The following THSD4 variants were observed in gnomAD, a reference collection of about 807,000 sequenced individuals.
The protein encoded by THSD4 is thrombospondin type 1 domain containing 4.
A neutral mutation model predicts 119.0 loss-of-function variants in THSD4; 69 were observed. That is an observed-to-expected ratio of 0.58 (90% CI 0.48 to 0.71). The LOEUF (loss-of-function observed/expected upper bound fraction) is 0.71. Among genes scored for constraint, THSD4 ranks in the 30% least tolerant of loss-of-function variants. The pLI, the probability that THSD4 is intolerant of heterozygous loss-of-function variation, is 0.00. For synonymous variants in THSD4, 524 were observed against 540.4 expected, an observed-to-expected ratio of 0.97 and a Z score of 0.42; for missense variants, 1,393 against 1,391.1, an observed-to-expected ratio of 1.00 and a Z score of -0.02.
chr15:71,722,795 T>C (rs1183772506), intron 8 of THSD4, among the ~76,000 whole-genome samples: 3 of 152,216 alleles, frequency 2.0e-5, no homozygotes, highest in Non-Finnish European at 4.4e-5. Flanking sequence ...CCCCAGTTCC[T>C]GTCCCAAATG....
intron 6 of THSD4, among the ~76,000 whole-genome samples, chr15:71,330,558 AAC>A (rs1329777027): frequency 1.3e-5 from 2 of 152,164 alleles, no homozygotes; most frequent in African/African-American, 4.8e-5. Flanking sequence ...TGGAAGTAAT[AAC>A]AATAGTATCA....
intron 6 of THSD4, among the ~76,000 whole-genome samples, chr15:71,385,616 C>T (rs1033464262): frequency 1.3e-5 from 2 of 152,172 alleles, no homozygotes; most frequent in Non-Finnish European, 2.9e-5. Flanking sequence ...GGTTTGAATA[C>T]GTGGCCACCT....
intron 5 of THSD4, among the ~76,000 whole-genome samples, chr15:71,255,095 A>G (rs971494255): frequency 1.3e-5 from 2 of 152,116 alleles, no homozygotes; most frequent in African/African-American, 4.8e-5. Context: ...AATATTTCTG[A>G]TACATACAGT....
intron 7 of THSD4, among the ~76,000 whole-genome samples, chr15:71,469,414 G>A (rs1440333226): frequency 1.3e-5 from 2 of 152,124 alleles, no homozygotes; most frequent in East Asian, 3.8e-4. Context: ...AGGTTCACAA[G>A]TCAGCAACCC....
chr15:71,397,748 G>A (rs2046471790), intron 6 of THSD4, among the ~76,000 whole-genome samples: 1 of 152,176 alleles, frequency 6.6e-6, no homozygotes, highest in South Asian at 2.1e-4. Flanking sequence ...CCACTCTCTA[G>A]CAGTGTGGGT....
chr15:71,517,558 C>T (rs2048378702), intron 7 of THSD4, among the ~76,000 whole-genome samples: 1 of 152,198 alleles, frequency 6.6e-6, no homozygotes, highest in African/African-American at 2.4e-5. Context: ...AGGACATTCT[C>T]ATTTGTAATG....
Position 71,451,979 on chromosome 15 carries a change from C to G in THSD4, c.1152+40156C>G, listed in dbSNP as rs142895863. On this transcript the variant is annotated intron_variant, in intron 7 of 17. Transcript: ENST00000261862. ...AGGCGACTCTTGGTTTGTTTGGCAG[C>G]ACACTGTTGAGGGTTGGTGGACTCC... is the stretch of plus-strand genomic sequence containing the variant. Among the ~76,000 whole-genome samples the G allele has an allele frequency of 5.7e-3, 862 of 152,290 alleles. 5 individuals carry two copies. Among genetic ancestry groups the G allele is most frequent in the Middle Eastern group, 0.01 (3 of 294 alleles).
chr15:71,162,069 T>A (rs1261646974), intron 3 of THSD4, among the ~76,000 whole-genome samples: 1 of 152,058 alleles, frequency 6.6e-6, no homozygotes, highest in Non-Finnish European at 1.5e-5. Flanking sequence ...TACATCTGCA[T>A]CTTTTGTATG....
At chr15:71,235,347 G>A (rs1039729027) in intron 4 of THSD4, among the ~76,000 whole-genome samples, 1 of 152,100 alleles carries the variant, frequency 6.6e-6, no homozygotes, top group Non-Finnish European at 1.5e-5. Context: ...TGGCATAAAG[G>A]CTCTCTTTAA....
chr15:71,659,429 G>A, intron 7 of THSD4, among the ~76,000 whole-genome samples: 1 of 152,034 alleles, frequency 6.6e-6, no homozygotes, highest in Admixed American at 6.6e-5. Context: ...TTTAATTTTT[G>A]GTTTTTTTAA....
intron 7 of THSD4, among the ~76,000 whole-genome samples, chr15:71,506,015 C>T (rs575702256): frequency 1.3e-5 from 2 of 152,268 alleles, no homozygotes; most frequent in African/African-American, 2.4e-5. Flanking sequence ...AAAGAATGCA[C>T]GAACATGTTT....
At chr15:71,440,116 A>G (rs1294733402) in intron 7 of THSD4, among the ~76,000 whole-genome samples, 1 of 152,206 alleles carries the variant, frequency 6.6e-6, no homozygotes, top group Non-Finnish European at 1.5e-5. Flanking sequence ...ACATTCACCC[A>G]AATGGACTAA....
chr15:71,566,939 G>A (rs1425714003), intron 7 of THSD4, among the ~76,000 whole-genome samples: 2 of 152,016 alleles, frequency 1.3e-5, no homozygotes, highest in Non-Finnish European at 2.9e-5. Flanking sequence ...TCACATAGGT[G>A]TGGAAGTTTA....
intron 7 of THSD4, among the ~76,000 whole-genome samples, chr15:71,580,132 A>G (rs538952041): frequency 3.2e-4 from 48 of 152,350 alleles, no homozygotes; most frequent in African/African-American, 1.2e-3. Flanking sequence ...TATAGATGTC[A>G]TGCTAGGATA....
chr15:71,097,769 TCACA>T (rs1361153903), intron 1 of THSD4, among the ~76,000 whole-genome samples: 9 of 151,240 alleles, frequency 6.0e-5, no homozygotes, highest in African/African-American at 2.2e-4. Flanking sequence ...TCCTGATTCA[TCACA>T]CAATCTGTAA....
intron 8 of THSD4, among the ~76,000 whole-genome samples, chr15:71,724,287 A>ATATATGTATATATATATATATATATATT: frequency 2.7e-5 from 1 of 37,288 alleles, no homozygotes; most frequent in Non-Finnish European, 6.1e-5. Flanking sequence ...ATATATATAT[A>ATATATGTATATATATATATATATATATT]TTTTTTTTTT....
intron 6 of THSD4, among the ~76,000 whole-genome samples, chr15:71,364,358 A>G (rs763701083): frequency 2.6e-5 from 4 of 152,250 alleles, no homozygotes; most frequent in Non-Finnish European, 5.9e-5. Flanking sequence ...GAGAAGGCAC[A>G]TATTTCATTA....
In THSD4 at chr15:71,765,074, A is replaced by C. The variant is rs765016149; in HGVS notation, c.2644A>C (p.Lys882Gln). The change falls in exon 16 of 18, where the codon AAG becomes CAG. Residue 882 changes from lysine (K) to glutamine (Q), a missense_variant. Physicochemically the swap from Lys to Gln is moderately conservative, Grantham distance 53 (BLOSUM62 1). Transcript: ENST00000261862. The stretch of plus-strand genomic sequence containing the variant: ...ACAGAGGGAGGTGATTTGTGTTAGA[A>C]AGAATGCAGACACCTTTGAAGTGTT... ...TQQREVICVR[K>Q]NADTFEVLDP... is the part of the protein sequence containing the mutation. 51 of 1,614,094 alleles carry C rather than the reference A, an allele frequency of 3.2e-5. 3 individuals are homozygous for C. In the South Asian group the frequency reaches 5.6e-4, roughly 18 times the overall value.
chr15:71,637,620 TG>T (rs2050770544), intron 7 of THSD4, among the ~76,000 whole-genome samples: 1 of 152,162 alleles, frequency 6.6e-6, no homozygotes. Flanking sequence ...GGACCAGCAC[TG>T]TGGTTGCACT....
Sources: gnomAD v4.1 joint callset for allele counts (sites outside exome capture counted in the v4.1 genomes callset) on GRCh38, gnomAD v4.1.1 for gene constraint, MANE v1.5 for transcripts, NCBI Gene and HGNC (gene_info 2026-07-23, HGNC 2026-07-21) for gene names.